Variants in SPOCK1 observed in about 807,000 individuals in gnomAD.
SPOCK1 encodes SPARC (osteonectin), cwcv and kazal like domains proteoglycan 1, also known as testican-1.
Under a neutral mutation model 55.3 loss-of-function variants are expected in SPOCK1, and 23 were observed. That is an observed-to-expected ratio of 0.42 (90% CI 0.30 to 0.59). The LOEUF (loss-of-function observed/expected upper bound fraction) is 0.59. Among genes scored for constraint, SPOCK1 ranks in the 20% least tolerant of loss-of-function variants. SPOCK1 has a pLI of 0.22. For synonymous variants in SPOCK1, 226 were observed against 221.0 expected, an observed-to-expected ratio of 1.02 and a Z score of -0.20; for missense variants, 499 against 552.5, an observed-to-expected ratio of 0.90 and a Z score of 0.97.
intron 5 of SPOCK1, among the ~76,000 whole-genome samples, chr5:137,069,986 G>T (rs767107858): frequency 1.4e-4 from 21 of 152,114 alleles, no homozygotes; most frequent in Non-Finnish European, 2.5e-4. Flanking sequence ...CCACACTTCT[G>T]CTCCAGGCCC....
At chr5:137,066,774 T>G (rs987400145) in intron 6 of SPOCK1, among the ~76,000 whole-genome samples, 6 of 152,178 alleles carry the variant, frequency 3.9e-5, no homozygotes, top group African/African-American at 9.7e-5. Context: ...CATCCTGACT[T>G]AAACCTCCTA....
At chr5:137,117,148 G>C (rs1753602775) in intron 4 of SPOCK1, among the ~76,000 whole-genome samples, 1 of 152,192 alleles carries the variant, frequency 6.6e-6, no homozygotes, top group South Asian at 2.1e-4. Flanking sequence ...CCATCTTCCT[G>C]CTCATACCAG....
At chr5:137,007,621 T>C (rs567648357) in intron 6 of SPOCK1, among the ~76,000 whole-genome samples, 2 of 152,154 alleles carry the variant, frequency 1.3e-5, no homozygotes, top group Non-Finnish European at 2.9e-5. Flanking sequence ...ATGGCGCTCA[T>C]TAAAAAGTCA....
intron 2 of SPOCK1, among the ~76,000 whole-genome samples, chr5:137,362,330 C>CTTTT (rs745634969): frequency 2.9e-5 from 4 of 136,638 alleles, no homozygotes; most frequent in Non-Finnish European, 3.2e-5. Flanking sequence ...CGTCAGCAAC[C>CTTTT]TTTTTTTTTT....
intron 3 of SPOCK1, among the ~76,000 whole-genome samples, chr5:137,161,711 C>T (rs2127052459): frequency 6.6e-6 from 1 of 152,184 alleles, no homozygotes; most frequent in East Asian, 1.9e-4. Context: ...TGATAACATC[C>T]TGGCTGCACT....
chr5:137,488,821 T>C (rs1754115555), intron 2 of SPOCK1, among the ~76,000 whole-genome samples: 1 of 152,160 alleles, frequency 6.6e-6, no homozygotes, highest in African/African-American at 2.4e-5. Context: ...TGCTGGGGAA[T>C]GTTGACGGTG....
At chr5:137,261,307 T>C (rs1301140122) in intron 3 of SPOCK1, among the ~76,000 whole-genome samples, 2 of 152,190 alleles carry the variant, frequency 1.3e-5, no homozygotes. Flanking sequence ...TAAGCAATCT[T>C]GACTCCCCAG....
rs547219693 is a variant in SPOCK1, at chr5:137,100,305, T to G, written c.474+12130A>C. Among the ~76,000 whole-genome samples the G allele has an allele frequency of 1.8e-3, 279 of 152,272 alleles. 11 individuals carry two copies. In the South Asian group the frequency reaches 0.055, roughly 30 times the overall value. On this transcript the variant is annotated intron_variant, in intron 5 of 10. Transcript: ENST00000394945. ...CAGTGCATTAAATTGCCAAAAACAA[T>G]TGATGCATTCTCTCCATTCCACCTC...
At chr5:137,454,308 G>T (rs1753319861) in intron 2 of SPOCK1, among the ~76,000 whole-genome samples, 1 of 152,066 alleles carries the variant, frequency 6.6e-6, no homozygotes, top group South Asian at 2.1e-4. Flanking sequence ...CCACAGGGTG[G>T]GTTATAAGTC....
At chr5:137,379,883 T>C (rs934681716) in intron 2 of SPOCK1, among the ~76,000 whole-genome samples, 4 of 152,160 alleles carry the variant, frequency 2.6e-5, no homozygotes, top group African/African-American at 4.8e-5. Flanking sequence ...ACCTTAGGGG[T>C]GCATTAATTC....
intron 6 of SPOCK1, among the ~76,000 whole-genome samples, chr5:136,995,227 G>T (rs74317576): frequency 6.6e-6 from 1 of 152,094 alleles, no homozygotes; most frequent in African/African-American, 2.4e-5. Flanking sequence ...GTTTGTTCCC[G>T]TACTTCTCCC....
intron 2 of SPOCK1, among the ~76,000 whole-genome samples, chr5:137,270,058 C>G (rs184542069): frequency 6.6e-6 from 1 of 152,332 alleles, no homozygotes; most frequent in East Asian, 1.9e-4. Context: ...TCTGCCCCGG[C>G]ACGATCCCAG....
At chr5:137,302,607 TA>T in intron 2 of SPOCK1, among the ~76,000 whole-genome samples, 1 of 150,748 alleles carries the variant, frequency 6.6e-6, no homozygotes, top group East Asian at 1.9e-4. Context: ...AATAAATAAA[TA>T]AATAAATAAA....
At chr5:137,170,947 A>G (rs1166725504) in intron 3 of SPOCK1, among the ~76,000 whole-genome samples, 1 of 152,116 alleles carries the variant, frequency 6.6e-6, no homozygotes, top group Non-Finnish European at 1.5e-5. Context: ...GTGACTGCAA[A>G]GCCCTTATCC....
At chr5:137,140,762 T>C (rs978581833) in intron 3 of SPOCK1, 68 bp from the exon 4 acceptor site, 5 of 1,124,388 alleles carry the variant, frequency 4.4e-6, no homozygotes, top group Non-Finnish European at 6.1e-6. Flanking sequence ...TTTTTTTTTT[T>C]TTTTTTTTTT....
intron 3 of SPOCK1, among the ~76,000 whole-genome samples, chr5:137,208,164 AT>A (rs1034954689): frequency 1.6e-4 from 24 of 152,214 alleles, no homozygotes; most frequent in Non-Finnish European, 2.8e-4. Flanking sequence ...GAAAAACATT[AT>A]TTTTTTCTAT....
In SPOCK1 at chr5:137,410,282, C is replaced by A. The variant is rs573058120; in HGVS notation, c.186+88091G>T. On this transcript the variant is annotated intron_variant, in intron 2 of 10. Transcript: ENST00000394945. Reference sequence around the variant, plus strand: ...CCCTTATCTAGACACTCCACCACTGCCTGTTAGTGTTTAAAAGGATCTTCC... The same window carrying A: ...CCCTTATCTAGACACTCCACCACTGACTGTTAGTGTTTAAAAGGATCTTCC... 3.9e-4 allele frequency among the ~76,000 whole-genome samples: 60 copies of A among 152,296 alleles called. 2 individuals are homozygous for A. In the South Asian group the frequency reaches 0.011, roughly 27 times the overall value.
At chr5:137,343,288 T>C (rs965456528) in intron 2 of SPOCK1, among the ~76,000 whole-genome samples, 1 of 152,196 alleles carries the variant, frequency 6.6e-6, no homozygotes, top group African/African-American at 2.4e-5. Flanking sequence ...AAAAACCATA[T>C]ATCATTTCCT....
chr5:137,373,083 T>C (rs1751235351), intron 2 of SPOCK1, among the ~76,000 whole-genome samples: 1 of 152,126 alleles, frequency 6.6e-6, no homozygotes, highest in Non-Finnish European at 1.5e-5. Flanking sequence ...CAGCAGGAAG[T>C]CCCTCACCAC....
Sources: allele counts gnomAD v4.1 joint callset (sites outside exome capture counted in the v4.1 genomes callset), GRCh38; gene constraint gnomAD v4.1.1; transcripts MANE v1.5; gene names NCBI Gene and HGNC (gene_info 2026-07-23, HGNC 2026-07-21).